Variants in C1orf21 observed in about 807,000 individuals in gnomAD.
The protein encoded by C1orf21 is chromosome 1 open reading frame 21.
In C1orf21, 3 loss-of-function variants were observed where a neutral mutation model predicts 18.7. That is an observed-to-expected ratio of 0.16 (90% confidence interval 0.07 to 0.42). The LOEUF (loss-of-function observed/expected upper bound fraction) is 0.42. C1orf21 is among the 10% of genes least tolerant of loss of function. The pLI is 0.99. For synonymous variants in C1orf21, 41 were observed against 46.4 expected (o/e 0.88, Z 0.47); for missense variants, 104 against 143.6 (o/e 0.72, Z 1.41).
intron 4 of C1orf21, among the ~76,000 whole-genome samples, chr1:184,596,598 A>G (rs764784049): frequency 1.1e-4 from 17 of 152,194 alleles, no homozygotes; most frequent in Non-Finnish European, 2.2e-4. Flanking sequence ...GGCCAGGCGC[A>G]GTGGCTTACG....
intron 3 of C1orf21, among the ~76,000 whole-genome samples, chr1:184,551,524 T>A (rs779723528): frequency 2.6e-5 from 4 of 152,230 alleles, no homozygotes; most frequent in Non-Finnish European, 4.4e-5. Context: ...GGCTAGATTC[T>A]GGAAGGACCA....
chr1:184,500,552 C>T (rs919268393), intron 2 of C1orf21, among the ~76,000 whole-genome samples: 2 of 152,160 alleles, frequency 1.3e-5, no homozygotes, highest in Non-Finnish European at 2.9e-5. Context: ...GAGACTATAT[C>T]ATCCTGTGCA....
chr1:184,605,287 T>C (rs906389140), intron 5 of C1orf21, among the ~76,000 whole-genome samples: 5 of 152,202 alleles, frequency 3.3e-5, no homozygotes, highest in Admixed American at 6.5e-5. Context: ...AGGGTCCCAC[T>C]CTTGGTAACT....
chr1:184,593,654 T>G (rs1278333721), intron 4 of C1orf21, among the ~76,000 whole-genome samples: 1 of 152,148 alleles, frequency 6.6e-6, no homozygotes. Context: ...GGAGAACAAA[T>G]GAAATAGGGT....
intron 1 of C1orf21, among the ~76,000 whole-genome samples, chr1:184,419,298 A>G (rs73063509): frequency 0.13 from 19,511 of 152,134 alleles, 2,551 homozygotes; most frequent in African/African-American, 0.34. Flanking sequence ...GTGCATAGTA[A>G]ATTTTCACTA....
At chr1:184,530,998 A>G (rs1015683739) in intron 3 of C1orf21, among the ~76,000 whole-genome samples, 1 of 152,246 alleles carries the variant, frequency 6.6e-6, no homozygotes, top group Non-Finnish European at 1.5e-5. Flanking sequence ...CCCAGTCCCT[A>G]TACTCCCACT....
chr1:184,528,848 T>C (rs1337224936), intron 3 of C1orf21, among the ~76,000 whole-genome samples: 1 of 152,236 alleles, frequency 6.6e-6, no homozygotes, highest in East Asian at 1.9e-4. Context: ...TTTGTTATTA[T>C]ATATTACATA....
intron 1 of C1orf21, among the ~76,000 whole-genome samples, chr1:184,442,335 A>G (rs771282463): frequency 2.0e-4 from 30 of 152,192 alleles, no homozygotes; most frequent in Non-Finnish European, 3.7e-4. Flanking sequence ...TACTAGTAAA[A>G]TGGCCTTTGT....
chr1:184,450,881 T>G (rs531990067), intron 1 of C1orf21, among the ~76,000 whole-genome samples: 1 of 152,320 alleles, frequency 6.6e-6, no homozygotes, highest in Non-Finnish European at 1.5e-5. Context: ...TTTGTTTGTT[T>G]GTTTGTTTGT....
chr1:184,516,310 CAG>C (rs757045276), intron 3 of C1orf21, among the ~76,000 whole-genome samples: 1 of 150,228 alleles, frequency 6.7e-6, no homozygotes, highest in Non-Finnish European at 1.5e-5. Context: ...ACAAACAAAA[CAG>C]GGTGTTTTAA....
At chr1:184,549,877 A>G (rs1558000466) in intron 3 of C1orf21, among the ~76,000 whole-genome samples, 1 of 152,234 alleles carries the variant, frequency 6.6e-6, no homozygotes. Context: ...AAAATATCCA[A>G]TCATACACAG....
intron 3 of C1orf21, among the ~76,000 whole-genome samples, chr1:184,555,045 CTA>C (rs1164664986): frequency 6.6e-6 from 1 of 152,178 alleles, no homozygotes; most frequent in Non-Finnish European, 1.5e-5. Flanking sequence ...TGACTTGATA[CTA>C]GTTAGTTTTT....
In C1orf21 at chr1:184,574,224, A is replaced by G. The variant is rs115066464; in HGVS notation, c.190-16515A>G. On this transcript the variant is annotated intron_variant, in intron 3 of 5. Transcript: ENST00000235307. Reference sequence around the variant, plus strand: ...TGTCTCAAAACGAAACAAAAAAAAGAAGTGAAGATAATATATACCTTGGAA... The same window carrying G: ...TGTCTCAAAACGAAACAAAAAAAAGGAGTGAAGATAATATATACCTTGGAA... 9.9e-3 allele frequency among the ~76,000 whole-genome samples: 1,509 copies of G among 152,252 alleles called. 29 individuals are homozygous for G. The highest frequency in any genetic ancestry group is 0.035 in the African/African-American group (1,447 of 41,540).
At chr1:184,443,499 T>A (rs768825648) in intron 1 of C1orf21, among the ~76,000 whole-genome samples, 1 of 152,234 alleles carries the variant, frequency 6.6e-6, no homozygotes, top group South Asian at 2.1e-4. Flanking sequence ...CAAGAACATA[T>A]GCCCTGTTGT....
intron 3 of C1orf21, among the ~76,000 whole-genome samples, chr1:184,509,400 T>G (rs1302351409): frequency 2.0e-5 from 3 of 152,224 alleles, no homozygotes; most frequent in Non-Finnish European, 4.4e-5. Flanking sequence ...GTGACAAGCC[T>G]CGCCCCTTTG....
chr1:184,540,518 C>T (rs2101977292), intron 3 of C1orf21, among the ~76,000 whole-genome samples: 1 of 152,136 alleles, frequency 6.6e-6, no homozygotes, highest in East Asian at 1.9e-4. Flanking sequence ...CAACCTCCAC[C>T]TCCTGGGTTC....
At chr1:184,486,642 C>A (rs1164787952) in intron 2 of C1orf21, among the ~76,000 whole-genome samples, 1 of 152,148 alleles carries the variant, frequency 6.6e-6, no homozygotes, top group African/African-American at 2.4e-5. Flanking sequence ...GCAAAAATTT[C>A]TACTTGGAAA....
chr1:184,548,478 G>A (rs1167798909), intron 3 of C1orf21, among the ~76,000 whole-genome samples: 2 of 145,164 alleles, frequency 1.4e-5, no homozygotes, highest in African/African-American at 2.6e-5. Context: ...GCAGCGGCGC[G>A]ATCTCCACTC....
At chr1:184,459,649 G>A (rs944587259) in intron 1 of C1orf21, among the ~76,000 whole-genome samples, 4 of 152,132 alleles carry the variant, frequency 2.6e-5, no homozygotes, top group South Asian at 4.1e-4. Flanking sequence ...CTAGGAGTTG[G>A]GGGTAGATTA....
Sources: gnomAD v4.1 joint callset for allele counts (sites outside exome capture counted in the v4.1 genomes callset) on GRCh38, gnomAD v4.1.1 for gene constraint, MANE v1.5 for transcripts, NCBI Gene and HGNC (gene_info 2026-07-23, HGNC 2026-07-21) for gene names.